The following MYRFL variants were observed in gnomAD, a reference collection of about 807,000 sequenced individuals.
MYRFL encodes myelin regulatory factor-like protein.
In MYRFL, 88 loss-of-function variants were observed where a neutral mutation model predicts 109.4. The observed-to-expected ratio is 0.80, with a 90% CI of 0.68 to 0.96. The LOEUF is 0.96. Ranked by LOEUF, MYRFL falls within the 40% of genes least tolerant of loss-of-function variation. The pLI is 0.00. For synonymous variants in MYRFL, 324 were observed against 320.9 expected (o/e 1.01, Z -0.10); for missense variants, 957 against 954.9 (o/e 1.00, Z -0.03).
At chr12:69,867,792 G>A (rs1277569975) in intron 2 of MYRFL, among the ~76,000 whole-genome samples, 1 of 152,178 alleles carries the variant, frequency 6.6e-6, no homozygotes, top group African/African-American at 2.4e-5. Context: ...AGTTCTGTGA[G>A]AAGAGCTTGT....
chr12:69,846,760 G>A (rs1468598117), intron 1 of MYRFL, among the ~76,000 whole-genome samples: 1 of 151,868 alleles, frequency 6.6e-6, no homozygotes, highest in African/African-American at 2.4e-5. Context: ...CTAGATCCCT[G>A]AGGAATCGCC....
chr12:69,914,349 A>G (rs989102332), intron 13 of MYRFL, among the ~76,000 whole-genome samples: 21 of 152,112 alleles, frequency 1.4e-4, no homozygotes, highest in African/African-American at 4.8e-4. Flanking sequence ...GCTTTCTGTC[A>G]TGAAAGGAAA....
chr12:69,886,868 GACAGA>G lies in MYRFL; in HGVS notation c.612_616del (p.Arg205AlafsTer16). 1.3e-6 allele frequency: 2 copies of G among 1,535,936 alleles called. No homozygotes were observed. Among genetic ancestry groups the G allele is most frequent in the South Asian group, 2.4e-5 (2 of 84,054 alleles). On this transcript the variant is annotated frameshift_variant, in exon 6 of 25. Coordinates refer to ENST00000552032, the MANE Select transcript of MYRFL (RefSeq NM_182530.3). LOFTEE classifies it high-confidence loss of function. ...GAAGTCCAGGACCCTGACAGTGAGGGACAGAACAGAATGCCTACAGACCAGTGCTC... is the reference window on the plus strand; with the variant it reads ...GAAGTCCAGGACCCTGACAGTGAGGGACAGAATGCCTACAGACCAGTGCTC...
At chr12:69,948,264 G>T (rs990162135) in intron 19 of MYRFL, among the ~76,000 whole-genome samples, 1 of 152,042 alleles carries the variant, frequency 6.6e-6, no homozygotes, top group Non-Finnish European at 1.5e-5. Flanking sequence ...CTTATTTCTT[G>T]CGTTTGAAAA....
intron 2 of MYRFL, among the ~76,000 whole-genome samples, chr12:69,872,952 G>T (rs1011611225): frequency 4.6e-5 from 7 of 152,120 alleles, no homozygotes; most frequent in African/African-American, 1.7e-4. Context: ...TAATGGGAGT[G>T]TTTAATCTTT....
chr12:69,915,783 C>T (rs1004144455), intron 13 of MYRFL, among the ~76,000 whole-genome samples: 6 of 152,016 alleles, frequency 3.9e-5, no homozygotes, highest in African/African-American at 7.2e-5. Context: ...TGCATTAGAC[C>T]GGTGGCAGCT....
At chr12:69,907,728 C>T (rs138599247) in intron 11 of MYRFL, among the ~76,000 whole-genome samples, 22 of 152,264 alleles carry the variant, frequency 1.4e-4, no homozygotes, top group African/African-American at 4.6e-4. Flanking sequence ...ACACTTTGCT[C>T]GGTACTGTGC....
chr12:69,855,379 T>C lies in MYRFL; in HGVS notation c.137+9T>C, dbSNP rs1435437361. ...TTTGATTTGGGGGCCTTGTAAGTAA[T>C]GAGAGCACTGCTCTCTAGTTGATGT... On this transcript the variant is annotated intron_variant, in intron 2 of 24. Transcript: ENST00000552032. 2 of 702,536 alleles carry C rather than the reference T, an allele frequency of 2.8e-6. No homozygotes were observed. The highest frequency in any genetic ancestry group is 5.2e-6 in the Non-Finnish European group (2 of 384,758). 43.5% of individuals were successfully genotyped at this position (702,536 alleles called of 1,614,324 possible).
At chr12:69,952,620 C>T (rs1028690418) in intron 20 of MYRFL, among the ~76,000 whole-genome samples, 179 bp from the exon 21 acceptor site, 3 of 152,076 alleles carry the variant, frequency 2.0e-5, no homozygotes, top group Non-Finnish European at 4.4e-5. Context: ...TATAACCCCC[C>T]AAAAAGCCTT....
chr12:69,923,693 A>T lies in MYRFL; in HGVS notation c.1603-2878A>T, dbSNP rs189662071. On this transcript the variant is annotated intron_variant, in intron 13 of 24. Coordinates refer to ENST00000552032, the MANE Select transcript of MYRFL (RefSeq NM_182530.3). Reference sequence around the variant, plus strand: ...TCCCTTGCTGGTTGATTTTTTTTTTAAATTTTTATTTTTTGTCTTTAGGCT... The same window carrying T: ...TCCCTTGCTGGTTGATTTTTTTTTTTAATTTTTATTTTTTGTCTTTAGGCT... 4.8e-3 allele frequency among the ~76,000 whole-genome samples: 732 copies of T among 151,308 alleles called. 3 individuals carry two copies. Among genetic ancestry groups the T allele is most frequent in the African/African-American group, 0.01 (422 of 41,242 alleles).
chr12:69,872,063 ACT>A (rs1491164938), intron 2 of MYRFL, among the ~76,000 whole-genome samples: 18 of 132,024 alleles, frequency 1.4e-4, no homozygotes, highest in Non-Finnish European at 1.3e-4. Context: ...GTATTTTGAA[ACT>A]CTGTTATTAA....
At chr12:69,938,251 G>A (rs1412288273) in intron 19 of MYRFL, among the ~76,000 whole-genome samples, 1 of 152,194 alleles carries the variant, frequency 6.6e-6, no homozygotes, top group African/African-American at 2.4e-5. Flanking sequence ...CTTGTGGCTG[G>A]TAAACACTTT....
At chr12:69,938,861 C>G (rs1018275667) in intron 19 of MYRFL, among the ~76,000 whole-genome samples, 2 of 152,108 alleles carry the variant, frequency 1.3e-5, no homozygotes, top group African/African-American at 4.8e-5. Context: ...CGAAGCAGGG[C>G]GAGGCATTGC....
At chr12:69,852,992 C>T (rs1053366741) in intron 1 of MYRFL, among the ~76,000 whole-genome samples, 3 of 152,268 alleles carry the variant, frequency 2.0e-5, no homozygotes, top group Non-Finnish European at 2.9e-5. Context: ...CTTCTTTCTA[C>T]ACAGACACCG....
rs552785284 is a variant in MYRFL at position 69,844,490 on chromosome 12, C to T, written c.47-10790C>T. Among the ~76,000 whole-genome samples the T allele has an allele frequency of 5.3e-5, 8 of 152,310 alleles. No homozygotes were observed. The South Asian group carries it at 1.7e-3, about 32-fold the overall frequency. On this transcript the variant is annotated intron_variant, in intron 1 of 24. Coordinates refer to ENST00000552032, the MANE Select transcript of MYRFL (RefSeq NM_182530.3). ...CTAAACAGATTCTTCCCTCCATCTG[C>T]TTCTGTTAGCAGTCGGCTTGCCCTA... is the stretch of plus-strand genomic sequence containing the variant.
In MYRFL at chr12:69,958,806, A is replaced by G. The variant is rs964005166; in HGVS notation, c.*275A>G. 6.2e-6 allele frequency: 2 copies of G among 321,392 alleles called. No individual in the cohort carries two copies. The highest frequency in any genetic ancestry group is 2.2e-5 in the African/African-American group (1 of 45,564). 19.9% of individuals were successfully genotyped at this position (321,392 alleles called of 1,614,324 possible). A position where few individuals can be genotyped will look rare whatever the true frequency, so the allele number is the denominator to read the frequency against. ...CAGTTCTGTTGAATTTAAAAATACT[A>G]TTATTTCTGGTATTAAGGAAGTTGT... On this transcript the variant is annotated 3_prime_UTR_variant, in exon 25 of 25. Coordinates refer to ENST00000552032, the MANE Select transcript of MYRFL (RefSeq NM_182530.3).
intron 19 of MYRFL, among the ~76,000 whole-genome samples, chr12:69,938,816 G>A (rs1370837439): frequency 1.3e-5 from 2 of 152,146 alleles, no homozygotes; most frequent in South Asian, 2.1e-4. Flanking sequence ...CAGACAGTGG[G>A]CGCAGGTCAG....
chr12:69,935,454 A>G (rs914438455), intron 16 of MYRFL, among the ~76,000 whole-genome samples: 7 of 152,224 alleles, frequency 4.6e-5, no homozygotes, highest in African/African-American at 1.7e-4. Flanking sequence ...ATAGCTTCCC[A>G]AGGCTCGGAA....
chr12:69,912,156 T>G (rs1370988311), intron 13 of MYRFL, among the ~76,000 whole-genome samples: 3 of 152,224 alleles, frequency 2.0e-5, no homozygotes, highest in African/African-American at 7.2e-5. Flanking sequence ...TGGCAGAAGT[T>G]GACTTACTGC....
Sources: gnomAD v4.1 joint callset for allele counts (sites outside exome capture counted in the v4.1 genomes callset) on GRCh38, gnomAD v4.1.1 for gene constraint, MANE v1.5 for transcripts, NCBI Gene and HGNC (gene_info 2026-07-23, HGNC 2026-07-21) for gene names.